FAM118B: variants seen among roughly 807,000 people sequenced by gnomAD.
FAM118B encodes the protein protein FAM118B.
FAM118B carries 24 observed loss-of-function variants against 38.5 expected under a neutral mutation model. The ratio of observed to expected loss-of-function variants is 0.62; its 90% CI spans 0.45 to 0.88. FAM118B has a LOEUF of 0.88. Ranked by LOEUF, FAM118B falls within the 40% of genes least tolerant of loss-of-function variation. The pLI is 0.00. For synonymous variants in FAM118B, 138 were observed against 156.3 expected (o/e 0.88, Z 0.87); for missense variants, 334 against 420.0 (o/e 0.80, Z 1.79).
Position 126,262,321 on chromosome 11 carries a change from T to C in FAM118B, c.*188T>C. On this transcript the variant is annotated 3_prime_UTR_variant, in exon 9 of 9. Coordinates refer to ENST00000533050, the MANE Select transcript of FAM118B (RefSeq NM_024556.4). Reference sequence around the variant, plus strand: ...CTTCATACCACCTGGTTCTTGATATTCTGCCGCCTGTTCAAGTTCAAGAAT... The same window carrying C: ...CTTCATACCACCTGGTTCTTGATATCCTGCCGCCTGTTCAAGTTCAAGAAT... 3 of 594,514 alleles carry C rather than the reference T, an allele frequency of 5.0e-6. No individual in the cohort carries two copies. The South Asian group carries it at 6.1e-5, about 12-fold the overall frequency. The allele number at this position is 594,514 out of a possible 1,614,324, so 36.8% of individuals were successfully genotyped here. A position where few individuals can be genotyped will look rare whatever the true frequency, so the allele number is the denominator to read the frequency against.
chr11:126,259,713 C>T (rs536795907), intron 7 of FAM118B, among the ~76,000 whole-genome samples: 6 of 151,160 alleles, frequency 4.0e-5, no homozygotes, highest in African/African-American at 7.3e-5. Context: ...GCGTGAGCCA[C>T]CATGCCCGGG....
rs1022228708 is a variant in FAM118B at position 126,253,672 on chromosome 11, A to G, written c.568-633A>G. Among the ~76,000 whole-genome samples, 2 of 152,132 alleles carry G rather than the reference A, an allele frequency of 1.3e-5. No homozygotes were observed. Among genetic ancestry groups the G allele is most frequent in the African/African-American group, 4.8e-5 (2 of 41,428 alleles). On this transcript the variant is annotated intron_variant, in intron 5 of 8. Coordinates refer to ENST00000533050, the MANE Select transcript of FAM118B (RefSeq NM_024556.4). This position sits in a 1 kb window ranked among gnomAD's most constrained non-coding sequence, Gnocchi z 5.1. ...TTCTGCTGATTTTTGCACCCTCTTC[A>G]CATACCTGCAGACATCTGATGGCCG...
chr11:126,240,824 C>T lies in FAM118B; in HGVS notation c.119C>T (p.Pro40Leu), dbSNP rs1038165515. ...KLLPSLKTKK[P>L]RELVLVIGTG... ...CTTCCAAGCTTAAAAACTAAGAAGCCTCGAGAACTTGTGCTAGTGATTGGA... is the reference window on the plus strand; with the variant it reads ...CTTCCAAGCTTAAAAACTAAGAAGCTTCGAGAACTTGTGCTAGTGATTGGA... Residue 40 changes from proline to leucine, a missense_variant, in exon 4 of 9, where the codon CCT becomes CTT. This residue lies in a region of FAM118B where 240 missense variants were observed against 295.9 expected (regional missense o/e 0.81). Transcript: ENST00000533050. The T allele has an allele frequency of 6.2e-6, 10 of 1,610,414 alleles. No homozygotes were observed. The highest frequency in any genetic ancestry group is 6.8e-6 in the Non-Finnish European group (8 of 1,178,684).
chr11:126,219,020 T>G (rs1950022712), intron 1 of FAM118B, among the ~76,000 whole-genome samples: 2 of 152,168 alleles, frequency 1.3e-5, no homozygotes, highest in Admixed American at 6.5e-5. Context: ...AATTTGCGCA[T>G]TAGTTAAATA....
intron 2 of FAM118B, among the ~76,000 whole-genome samples, chr11:126,229,923 G>T (rs1199959441): frequency 6.6e-6 from 1 of 152,192 alleles, no homozygotes; most frequent in Admixed American, 6.5e-5. Context: ...AAAATGGCAA[G>T]AACAAGTGGC....
At chr11:126,215,542 C>G (rs962258722) in intron 1 of FAM118B, among the ~76,000 whole-genome samples, 9 of 151,722 alleles carry the variant, frequency 5.9e-5, no homozygotes, top group Non-Finnish European at 1.2e-4. Flanking sequence ...ACTAAAAATA[C>G]AAAAATTAGC....
chr11:126,254,439 T>C lies in FAM118B; in HGVS notation c.696+6T>C. ...TCAGGAACACTGAAGTCATGGTGAGTGGGGCTGATCTTGCTGGTCTCAGGA... is the reference window on the plus strand; with the variant it reads ...TCAGGAACACTGAAGTCATGGTGAGCGGGGCTGATCTTGCTGGTCTCAGGA... On this transcript the variant is annotated splice_donor_region_variant and intron_variant, in intron 6 of 8. Transcript: ENST00000533050. 6.2e-7 allele frequency: 1 copy of C among 1,613,942 alleles called. No individual in the cohort carries two copies. Among genetic ancestry groups the C allele is most frequent in the Non-Finnish European group, 8.5e-7 (1 of 1,179,906 alleles).
chr11:126,218,184 T>C (rs1400736255), intron 1 of FAM118B, among the ~76,000 whole-genome samples: 1 of 152,234 alleles, frequency 6.6e-6, no homozygotes, highest in African/African-American at 2.4e-5. Context: ...TATGTGGATA[T>C]GGTGGGCTCA....
chr11:126,231,643 G>A (rs752603150), intron 2 of FAM118B, among the ~76,000 whole-genome samples: 3 of 152,154 alleles, frequency 2.0e-5, no homozygotes, highest in Non-Finnish European at 4.4e-5. Flanking sequence ...AGTCAGAAGC[G>A]ATTGGCTATA....
intron 7 of FAM118B, among the ~76,000 whole-genome samples, chr11:126,260,096 G>A (rs895979341): frequency 6.6e-6 from 1 of 151,798 alleles, no homozygotes; most frequent in Non-Finnish European, 1.5e-5. Flanking sequence ...CAATGGCACA[G>A]TCATGGCTCA....
In FAM118B at chr11:126,250,837, G is replaced by T; in HGVS notation, c.567+104G>T. 2.3e-6 allele frequency: 2 copies of T among 882,076 alleles called. No individual in the cohort carries two copies. Among genetic ancestry groups the T allele is most frequent in the South Asian group, 2.1e-5 (1 of 48,558 alleles). 54.6% of individuals were successfully genotyped at this position (882,076 alleles called of 1,614,324 possible). On this transcript the variant is annotated intron_variant, in intron 5 of 8. Coordinates refer to ENST00000533050, the MANE Select transcript of FAM118B (RefSeq NM_024556.4). This position sits in a 1 kb window ranked among gnomAD's most constrained non-coding sequence, Gnocchi z 5.1. ...ATTGGTATTTATGTAGAGCTAGAAA[G>T]GAAAAATTTTTTCCCTGGTTGGAGT... is the stretch of plus-strand genomic sequence containing the variant.
chr11:126,228,138 A>C (rs1016291617), intron 1 of FAM118B, among the ~76,000 whole-genome samples: 1 of 152,052 alleles, frequency 6.6e-6, no homozygotes, highest in Non-Finnish European at 1.5e-5. Flanking sequence ...TTAAGTTGGA[A>C]ATCCTCAAGG....
At chr11:126,237,368 GCTCTA>G (rs1211074673) in intron 3 of FAM118B, among the ~76,000 whole-genome samples, 1 of 149,284 alleles carries the variant, frequency 6.7e-6, no homozygotes, top group Non-Finnish European at 1.5e-5. Flanking sequence ...TTACAAACGT[GCTCTA>G]CCACACCTGG....
At chr11:126,224,410 A>G (rs761964363) in intron 1 of FAM118B, among the ~76,000 whole-genome samples, 1 of 147,320 alleles carries the variant, frequency 6.8e-6, no homozygotes, top group Non-Finnish European at 1.5e-5. Context: ...GTGGAGGTCA[A>G]GGCTACAGTG....
At chr11:126,241,220 T>A in intron 4 of FAM118B, 176 bp downstream of exon 4, 1 of 607,244 alleles carries the variant, frequency 1.6e-6, no homozygotes, top group Non-Finnish European at 2.7e-6. Flanking sequence ...TGGACCCTAC[T>A]CAGGACAGTT....
chr11:126,256,054 C>G lies in FAM118B; in HGVS notation c.697-513C>G, dbSNP rs566130795. 2.0e-4 allele frequency among the ~76,000 whole-genome samples: 30 copies of G among 151,506 alleles called. No individual in the cohort carries two copies. In the South Asian group the frequency reaches 5.9e-3, roughly 30 times the overall value. On this transcript the variant is annotated intron_variant, in intron 6 of 8. Transcript: ENST00000533050. This position sits in a 1 kb window ranked among gnomAD's most constrained non-coding sequence, Gnocchi z 6.6. ...GGGAGGCCAAGGTGGGTGGATCACT[C>G]GAGGTCGGGAGTACCAGACCAGCCT...
chr11:126,223,848 A>C (rs1414670904), intron 1 of FAM118B, among the ~76,000 whole-genome samples: 1 of 152,198 alleles, frequency 6.6e-6, no homozygotes, highest in Non-Finnish European at 1.5e-5. Context: ...TGGAACCTTA[A>C]GTTGAAGTTT....
chr11:126,235,166 TATC>T, intron 3 of FAM118B, 79 bp downstream of exon 3: 1 of 1,172,298 alleles, frequency 8.5e-7, no homozygotes, highest in Non-Finnish European at 1.3e-6. Flanking sequence ...ATACCTTCTA[TATC>T]AGTTGTTTTC....
intron 4 of FAM118B, among the ~76,000 whole-genome samples, chr11:126,245,643 A>G (rs909296714): frequency 6.6e-6 from 1 of 151,340 alleles, no homozygotes; most frequent in Non-Finnish European, 1.5e-5. Flanking sequence ...GCAATCAGCT[A>G]TGATCATGTC....
Sources: allele counts gnomAD v4.1 joint callset (sites outside exome capture counted in the v4.1 genomes callset), GRCh38; gene constraint gnomAD v4.1.1; regional missense constraint gnomAD v4.1.1; non-coding constraint Gnocchi (gnomAD v3.1); transcripts MANE v1.5; gene names NCBI Gene and HGNC (gene_info 2026-07-23, HGNC 2026-07-21).